The following PDE6A variants were observed in gnomAD, a reference collection of about 807,000 sequenced individuals.
PDE6A encodes the protein phosphodiesterase 6A.
A neutral mutation model predicts 106.3 loss-of-function variants in PDE6A; 84 were observed. The ratio of observed to expected loss-of-function variants is 0.79; its 90% confidence interval spans 0.66 to 0.95. PDE6A has a LOEUF of 0.95. Among genes scored for constraint, PDE6A ranks in the 40% least tolerant of loss-of-function variants. The pLI is 0.00. For missense variants in PDE6A, 1,052 were observed against 1,084.9 expected (o/e 0.97, Z 0.43); for synonymous variants, 394 against 386.6 (o/e 1.02, Z -0.23).
Position 149,895,268 on chromosome 5 carries a change from G to C in PDE6A, c.1643C>G (p.Ser548Cys), listed in dbSNP as rs1249062859. Residue 548 changes from serine to cysteine, a missense_variant, in exon 13 of 22, where the codon TCC becomes TGC. Physicochemically the swap from Ser to Cys is moderately radical, Grantham distance 112. Around this residue, in one of 3 missense-constraint regions of PDE6A, gnomAD observed 913 missense variants for 915.2 expected, o/e 1.00. Transcript: ENST00000255266. ...PQEALVRFMY[S>C]LSKGYRKITY... Reference sequence around the variant, plus strand: ...GATCTTGCGGTAGCCCTTACTCAGGGAGTACATGAACCGCACCAGGGCCTG... The same window carrying C: ...GATCTTGCGGTAGCCCTTACTCAGGCAGTACATGAACCGCACCAGGGCCTG... 2 of 1,613,594 alleles carry C rather than the reference G, an allele frequency of 1.2e-6. No homozygotes were observed. The highest frequency in any genetic ancestry group is 3.3e-5 in the Admixed American group (2 of 59,996).
At chr5:149,917,248 C>T (rs1167626169) in intron 5 of PDE6A, among the ~76,000 whole-genome samples, 3 of 151,930 alleles carry the variant, frequency 2.0e-5, no homozygotes, top group African/African-American at 7.3e-5. Flanking sequence ...CTGCACTCCC[C>T]TTTCTTGAGT....
At chr5:149,933,905 CA>C (rs752355229) in intron 3 of PDE6A, 24 bp downstream of exon 3, 1 of 1,564,494 alleles carries the variant, frequency 6.4e-7, no homozygotes, top group East Asian at 2.2e-5. Flanking sequence ...GAGTCAAGTC[CA>C]TTCCCTTGGC....
intron 9 of PDE6A, 145 bp downstream of exon 9, chr5:149,899,230 T>C (rs1443674319): frequency 3.8e-6 from 3 of 779,512 alleles, no homozygotes; most frequent in Non-Finnish European, 6.9e-6. Context: ...AGTACAGCAG[T>C]GAGAGTGAAG....
At chr5:149,905,314 C>A (rs563286481) in intron 7 of PDE6A, among the ~76,000 whole-genome samples, 1 of 152,272 alleles carries the variant, frequency 6.6e-6, no homozygotes, top group African/African-American at 2.4e-5. Context: ...GCTTCCTCCA[C>A]ACTCATAATT....
At position 149,903,670 on chromosome 5, in the gene PDE6A, G is replaced by T. The variant is rs200858325; in HGVS notation, c.1091C>A (p.Ala364Glu). The T allele has an allele frequency of 4.3e-6, 7 of 1,613,754 alleles. No individual in the cohort carries two copies. The highest frequency in any genetic ancestry group is 2.2e-5 in the South Asian group (2 of 91,074). Residue 364 changes from alanine (A) to glutamate (E), a missense_variant, in exon 8 of 22, where the codon GCG (alanine) becomes GAG (glutamate). Ala to Glu is a moderately radical substitution (Grantham distance 107). Around this residue, in one of 3 missense-constraint regions of PDE6A, gnomAD observed 913 missense variants for 915.2 expected, o/e 1.00. Transcript: ENST00000255266. ...GLICNIMNAP[A>E]EDFFAFQKEP... The stretch of plus-strand genomic sequence containing the variant: ...TACCTGAAATGCAAAAAAGTCCTCC[G>T]CAGGCGCATTCATGATGTTGCAAAT...
At chr5:149,868,985 A>T (rs1022258817) in intron 17 of PDE6A, among the ~76,000 whole-genome samples, 1 of 152,260 alleles carries the variant, frequency 6.6e-6, no homozygotes, top group African/African-American at 2.4e-5. Flanking sequence ...AAAAGAAAAC[A>T]TATGGTGTAA....
At chr5:149,866,450 A>T (rs955617378) in intron 19 of PDE6A, 197 bp from the exon 20 acceptor site, 2 of 550,938 alleles carry the variant, frequency 3.6e-6, no homozygotes, top group Non-Finnish European at 6.5e-6. Context: ...AGAATGTGGG[A>T]AACTGCACAA....
At chr5:149,873,694 C>G (rs1760637387) in intron 17 of PDE6A, among the ~76,000 whole-genome samples, 1 of 152,136 alleles carries the variant, frequency 6.6e-6, no homozygotes, top group African/African-American at 2.4e-5. Flanking sequence ...CCATCCTTAG[C>G]TCATGAGCCA....
chr5:149,886,202 G>A (rs1302133521), intron 14 of PDE6A, 63 bp downstream of exon 14: 22 of 1,229,102 alleles, frequency 1.8e-5, no homozygotes, highest in Non-Finnish European at 1.9e-5. Context: ...AGTCTGCCTG[G>A]GAGCCACACA....
At chr5:149,867,664 T>A in intron 19 of PDE6A, 61 bp downstream of exon 19, 1 of 1,415,762 alleles carries the variant, frequency 7.1e-7, no homozygotes, top group Non-Finnish European at 1.0e-6. Context: ...GGCGAGGTCA[T>A]ATCTAGGTCA....
intron 3 of PDE6A, among the ~76,000 whole-genome samples, chr5:149,932,969 G>A (rs1754087336): frequency 6.6e-6 from 1 of 152,196 alleles, no homozygotes; most frequent in South Asian, 2.1e-4. Flanking sequence ...CAGGGCAGAA[G>A]CGCAAAAGCT....
chr5:149,870,098 G>A (rs1413012738), intron 17 of PDE6A, among the ~76,000 whole-genome samples: 1 of 152,156 alleles, frequency 6.6e-6, no homozygotes, highest in Non-Finnish European at 1.5e-5. Context: ...AGATTAACCT[G>A]CGCAAAATAG....
intron 8 of PDE6A, among the ~76,000 whole-genome samples, chr5:149,900,077 G>A (rs1351841887): frequency 1.3e-5 from 2 of 151,902 alleles, no homozygotes; most frequent in Non-Finnish European, 2.9e-5. Context: ...GGTGAGGCTA[G>A]GCATGGCGAC....
chr5:149,903,799 C>T, intron 7 of PDE6A, 104 bp from the exon 8 acceptor site: 1 of 871,428 alleles, frequency 1.1e-6, no homozygotes, highest in Non-Finnish European at 2.0e-6. Flanking sequence ...TTGTCCAAGG[C>T]ATTCACATTC....
intron 5 of PDE6A, among the ~76,000 whole-genome samples, chr5:149,916,129 T>C (rs1030887394): frequency 6.6e-6 from 1 of 152,228 alleles, no homozygotes; most frequent in Admixed American, 6.5e-5. Flanking sequence ...TGAGCCACCA[T>C]GCCCGGCCTC....
intron 3 of PDE6A, chr5:149,932,659 T>A (rs1754075756): frequency 1.2e-6 from 2 of 1,613,050 alleles, no homozygotes; most frequent in African/African-American, 1.3e-5. Context: ...TTCGACTAAT[T>A]TCTGCCATCT....
At chr5:149,908,945 TATTTTATTGTAATAC>T (rs1336452123) in intron 6 of PDE6A, among the ~76,000 whole-genome samples, 1 of 152,248 alleles carries the variant, frequency 6.6e-6, no homozygotes, top group Non-Finnish European at 1.5e-5. Flanking sequence ...AGTTTTGATT[TATTTTATTGTAATAC>T]ATATTTTATT....
At chr5:149,941,293 C>T (rs1754321247) in intron 1 of PDE6A, among the ~76,000 whole-genome samples, 1 of 152,096 alleles carries the variant, frequency 6.6e-6, no homozygotes, top group Admixed American at 6.5e-5. Context: ...AGGGAGGGGG[C>T]TATAACAGGG....
chr5:149,870,938 G>GAA (rs1274680549), intron 17 of PDE6A, among the ~76,000 whole-genome samples: 3 of 141,608 alleles, frequency 2.1e-5, no homozygotes, highest in African/African-American at 8.2e-5. Context: ...GAAAGGAAGA[G>GAA]AAGAGAAGAG....
Sources: gnomAD v4.1 joint callset for allele counts (sites outside exome capture counted in the v4.1 genomes callset) on GRCh38, gnomAD v4.1.1 for gene constraint, gnomAD v4.1.1 regional missense constraint, MANE v1.5 for transcripts, NCBI Gene and HGNC (gene_info 2026-07-23, HGNC 2026-07-21) for gene names.